Variants in MCC observed in about 807,000 individuals in gnomAD.
The protein encoded by MCC is colorectal mutant cancer protein.
A neutral mutation model predicts 116.2 loss-of-function variants in MCC; 90 were observed. The ratio of observed to expected loss-of-function variants is 0.77; its 90% confidence interval spans 0.65 to 0.92. The LOEUF is 0.92. Among genes scored for constraint, MCC ranks in the 40% least tolerant of loss-of-function variants. The pLI is 0.00. For synonymous variants in MCC, 578 were observed against 510.5 expected (o/e 1.13, Z -1.78); for missense variants, 1,516 against 1,312.2 (o/e 1.16, Z -2.40).
intron 1 of MCC, among the ~76,000 whole-genome samples, chr5:113,398,406 C>T (rs1769591192): frequency 6.6e-6 from 1 of 152,100 alleles, no homozygotes; most frequent in Non-Finnish European, 1.5e-5. Flanking sequence ...GCACTATTCA[C>T]AATAGCAAAG....
intron 15 of MCC, among the ~76,000 whole-genome samples, chr5:113,052,337 G>A (rs937052346): frequency 6.6e-6 from 1 of 152,124 alleles, no homozygotes; most frequent in Non-Finnish European, 1.5e-5. Flanking sequence ...TCGCTACAAT[G>A]ATGGACCCAA....
chr5:113,375,293 T>A (rs978480386), intron 2 of MCC, among the ~76,000 whole-genome samples: 3 of 152,154 alleles, frequency 2.0e-5, no homozygotes, highest in African/African-American at 7.2e-5. Flanking sequence ...TCCTTTCTCA[T>A]CTCCTATAGC....
Position 113,131,159 on chromosome 5 carries a change from T to C in MCC, c.885-8333A>G, listed in dbSNP as rs114529049. ...ATGAACAACTCATGAGACTTGGTAG[T>C]GAGAGGCTGATGTTATGAGAGTAGC... On this transcript the variant is annotated intron_variant, in intron 5 of 18. Transcript: ENST00000408903. Among the ~76,000 whole-genome samples, 999 of 152,296 alleles carry C rather than the reference T, an allele frequency of 6.6e-3. 16 individuals carry two copies. The highest frequency in any genetic ancestry group is 0.023 in the African/African-American group (954 of 41,550).
At chr5:113,386,791 A>G (rs985551694) in intron 1 of MCC, among the ~76,000 whole-genome samples, 6 of 140,316 alleles carry the variant, frequency 4.3e-5, no homozygotes, top group Non-Finnish European at 7.6e-5. Flanking sequence ...GCATCTGTGT[A>G]TACACACATA....
At chr5:113,344,488 T>G (rs1246529669) in intron 2 of MCC, among the ~76,000 whole-genome samples, 1 of 151,808 alleles carries the variant, frequency 6.6e-6, no homozygotes, top group Admixed American at 6.6e-5. Context: ...CCCACCTCAG[T>G]AACCCCAGGC....
intron 2 of MCC, among the ~76,000 whole-genome samples, chr5:113,347,976 T>C (rs1768174544): frequency 1.3e-5 from 2 of 151,912 alleles, no homozygotes; most frequent in Admixed American, 1.3e-4. Context: ...AAGAGACAAA[T>C]AAGCTCATTA....
intron 3 of MCC, among the ~76,000 whole-genome samples, chr5:113,326,187 C>T (rs924646380): frequency 3.9e-5 from 6 of 151,996 alleles, no homozygotes; most frequent in African/African-American, 1.2e-4. Flanking sequence ...ACAGAAGAAC[C>T]AAGACAGAAC....
intron 18 of MCC, among the ~76,000 whole-genome samples, chr5:113,028,102 C>G (rs137858166): frequency 1.0e-3 from 157 of 152,278 alleles, no homozygotes; most frequent in African/African-American, 3.7e-3. Context: ...ACAGTCATTA[C>G]CCTTACAGCT....
intron 3 of MCC, chr5:113,294,357 C>T (rs1169904297): frequency 6.4e-7 from 1 of 1,564,416 alleles, no homozygotes; most frequent in Non-Finnish European, 8.7e-7. Context: ...GGAGTCGTTT[C>T]CATATTTCAT....
chr5:113,277,367 C>CA (rs34104526), intron 3 of MCC, among the ~76,000 whole-genome samples: 87 of 136,114 alleles, frequency 6.4e-4, no homozygotes, highest in Middle Eastern at 7.9e-3. Flanking sequence ...GACTCCATCT[C>CA]AAAAAAAAAA....
At chr5:113,102,878 G>T (rs1756509733) in intron 7 of MCC, among the ~76,000 whole-genome samples, 1 of 152,090 alleles carries the variant, frequency 6.6e-6, no homozygotes, top group Non-Finnish European at 1.5e-5. Flanking sequence ...GCACTTGGGA[G>T]GCCCAGGCGG....
intron 17 of MCC, among the ~76,000 whole-genome samples, chr5:113,040,638 C>T (rs969563307): frequency 6.6e-6 from 1 of 152,108 alleles, no homozygotes; most frequent in Non-Finnish European, 1.5e-5. Flanking sequence ...AATACAAACC[C>T]AAACTGCAGC....
chr5:113,143,131 T>C, intron 5 of MCC, 87 bp downstream of exon 5: 1 of 1,413,340 alleles, frequency 7.1e-7, no homozygotes, highest in South Asian at 1.4e-5. Flanking sequence ...ACTTCGGTCT[T>C]GGAGTTAAAA....
At chr5:113,238,337 A>T (rs1340964398) in intron 3 of MCC, among the ~76,000 whole-genome samples, 1 of 152,174 alleles carries the variant, frequency 6.6e-6, no homozygotes, top group Non-Finnish European at 1.5e-5. Context: ...AATGCCACCT[A>T]AAAAAATCAC....
chr5:113,143,886 G>C (rs1759338883), intron 4 of MCC, among the ~76,000 whole-genome samples: 1 of 152,138 alleles, frequency 6.6e-6, no homozygotes. Context: ...GTCAGGGTTT[G>C]TTTCAGCTAT....
chr5:113,160,210 C>G (rs1236784826), intron 3 of MCC, among the ~76,000 whole-genome samples: 1 of 152,198 alleles, frequency 6.6e-6, no homozygotes, highest in Non-Finnish European at 1.5e-5. Flanking sequence ...CTAGGACCCA[C>G]TTAAAGCCAC....
chr5:113,061,012 C>T (rs977749633), intron 14 of MCC, among the ~76,000 whole-genome samples: 4 of 152,322 alleles, frequency 2.6e-5, no homozygotes, highest in South Asian at 4.1e-4. Context: ...GACATGATTT[C>T]ACTCTCCTCA....
chr5:113,207,434 G>A (rs1762957220), intron 3 of MCC, among the ~76,000 whole-genome samples: 1 of 113,390 alleles, frequency 8.8e-6, no homozygotes, highest in African/African-American at 3.4e-5. Flanking sequence ...AAGGTCTGGG[G>A]ACACCTATCC....
At chr5:113,100,840 A>T (rs1300957650) in intron 8 of MCC, among the ~76,000 whole-genome samples, 1 of 152,174 alleles carries the variant, frequency 6.6e-6, no homozygotes, top group Non-Finnish European at 1.5e-5. Context: ...ACTAGAAAAC[A>T]AGCTTCTAAT....
Sources: gnomAD v4.1 joint callset for allele counts (sites outside exome capture counted in the v4.1 genomes callset) on GRCh38, gnomAD v4.1.1 for gene constraint, MANE v1.5 for transcripts, NCBI Gene and HGNC (gene_info 2026-07-23, HGNC 2026-07-21) for gene names.